Variants in SETD4 observed in about 807,000 individuals in gnomAD.
SETD4 encodes the protein SET domain-containing protein 4.
Under a neutral mutation model 58.3 loss-of-function variants are expected in SETD4, and 46 were observed. That is an observed-to-expected ratio of 0.79 (90% CI 0.62 to 1.01). SETD4 has a LOEUF of 1.01. SETD4 is among the 50% of genes least tolerant of loss of function. The probability of loss-of-function intolerance (pLI) is 0.00; values close to 1 mark genes in which losing one functional copy is unlikely to be tolerated. For missense variants in SETD4, 490 were observed against 523.3 expected, an observed-to-expected ratio of 0.94 and a Z score of 0.62; for synonymous variants, 190 against 202.6, an observed-to-expected ratio of 0.94 and a Z score of 0.53.
At chr21:36,057,046 GC>G in intron 3 of SETD4, 62 bp downstream of exon 3, 1 of 1,286,662 alleles carries the variant, frequency 7.8e-7, no homozygotes, top group Non-Finnish European at 1.1e-6. Context: ...TGCAAGAGTG[GC>G]CCCTGCTGTC....
intron 4 of SETD4, chr21:36,050,162 T>A: frequency 1.1e-6 from 1 of 923,220 alleles, no homozygotes; most frequent in Non-Finnish European, 1.8e-6. Flanking sequence ...AATCAACTGG[T>A]AGATGTTACA....
At chr21:36,052,799 T>C (rs1350855124) in intron 4 of SETD4, 1 of 152,204 alleles carries the variant, frequency 6.6e-6, no homozygotes, top group East Asian at 1.9e-4. Flanking sequence ...CCTCATTTTG[T>C]AGGTGAGGAA....
intron 9 of SETD4, among the ~76,000 whole-genome samples, chr21:36,038,818 G>A (rs536935173): frequency 6.6e-6 from 1 of 152,262 alleles, no homozygotes; most frequent in South Asian, 2.1e-4. Flanking sequence ...GCAGGAAACG[G>A]GGCTCAGTCA....
At chr21:36,037,923 G>A (rs1372913265) in intron 10 of SETD4, among the ~76,000 whole-genome samples, 1 of 152,148 alleles carries the variant, frequency 6.6e-6, no homozygotes, top group Non-Finnish European at 1.5e-5. Flanking sequence ...TTGAACCTGG[G>A]AGGTGGAGGT....
At chr21:36,041,728 C>G in intron 8 of SETD4, 79 bp downstream of exon 8, 2 of 978,506 alleles carry the variant, frequency 2.0e-6, no homozygotes, top group East Asian at 2.7e-5. Context: ...GGGTCTCACC[C>G]CCATGGAAAA....
intron 4 of SETD4, among the ~76,000 whole-genome samples, chr21:36,049,807 G>C (rs1175456386): frequency 6.6e-6 from 1 of 152,146 alleles, no homozygotes; most frequent in Non-Finnish European, 1.5e-5. Context: ...AACCATATTT[G>C]AATGTACATG....
At chr21:36,050,629 A>G (rs1350932425) in intron 4 of SETD4, 5 of 1,611,294 alleles carry the variant, frequency 3.1e-6, no homozygotes, top group Middle Eastern at 1.6e-4. Context: ...TATGGTGGCC[A>G]TGAAAATTTT....
intron 9 of SETD4, 51 bp downstream of exon 9, chr21:36,040,524 G>T: frequency 1.3e-6 from 2 of 1,520,846 alleles, no homozygotes; most frequent in Non-Finnish European, 9.1e-7. Flanking sequence ...ACCCTCCAAA[G>T]TTATATCTAG....
chr21:36,048,052 GAAGA>G (rs1338680595), intron 5 of SETD4, among the ~76,000 whole-genome samples: 3 of 122,736 alleles, frequency 2.4e-5, no homozygotes, highest in African/African-American at 9.0e-5. Context: ...AGGAAGGAAG[GAAGA>G]GAGGGAGGGA....
chr21:36,040,713 A>G, intron 8 of SETD4, 58 bp from the exon 9 acceptor site: 2 of 1,464,290 alleles, frequency 1.4e-6, no homozygotes, highest in Non-Finnish European at 1.9e-6. Flanking sequence ...ATGACCTCAT[A>G]GCAAATGACT....
rs2064175402 is a variant in SETD4, at chr21:36,043,791, C to T, written c.892G>A (p.Val298Ile). Residue 298 changes from valine to isoleucine, a missense_variant, in exon 7 of 12, where the codon GTC becomes ATC. Val to Ile is a conservative substitution (Grantham distance 29). Transcript: ENST00000332131. ...CAAAGTTGATTCCAACCTCTTGAGA[C>T]ATAAACACAAGCATGAGGATTATGG... ...SVHNPHACVY[V>I]SREILVKYLP... 6.2e-7 allele frequency: 1 copy of T among 1,614,090 alleles called. No homozygotes were observed. Among genetic ancestry groups the T allele is most frequent in the Non-Finnish European group, 8.5e-7 (1 of 1,180,004 alleles).
At position 36,045,921 on chromosome 21, in the gene SETD4, G is replaced by GT. The variant is rs778977705; in HGVS notation, c.386dup (p.Tyr129Ter). Residue 129 changes from tyrosine to a stop codon, truncating the protein, a stop_gained and frameshift_variant, in exon 6 of 12, where the codon TAC becomes TAAC. Coordinates refer to ENST00000332131, the MANE Select transcript of SETD4 (RefSeq NM_017438.5). LOFTEE classifies it high-confidence loss of function. ...HAGHRSLWKP[Y>*]LEILPKAYTC... ...TATACGCCTTGGGTAAAATCTCCAG[G>GT]TAAGGCTTCCAAAGAGATCGGTGCC... The GT allele has an allele frequency of 7.4e-5, 120 of 1,614,086 alleles. No individual in the cohort carries two copies. Among genetic ancestry groups the GT allele is most frequent in the Non-Finnish European group, 1.6e-5 (19 of 1,180,048 alleles).
chr21:36,052,554 T>G (rs1205148460), intron 4 of SETD4, among the ~76,000 whole-genome samples: 1 of 122,324 alleles, frequency 8.2e-6, no homozygotes, highest in Admixed American at 9.2e-5. Context: ...CAAGACTCTG[T>G]CTCAAAAAAA....
chr21:36,041,159 C>CAAAA (rs35920101), intron 8 of SETD4, among the ~76,000 whole-genome samples: 4 of 40,030 alleles, frequency 1.0e-4, no homozygotes, highest in Non-Finnish European at 1.2e-4. Context: ...GACTCCTTCT[C>CAAAA]AAAAAAAAAA....
chr21:36,043,395 T>C, intron 7 of SETD4: 4 of 884,946 alleles, frequency 4.5e-6, no homozygotes, highest in Non-Finnish European at 5.5e-6. Flanking sequence ...TAACACAGTG[T>C]CTTACCCACA....
At chr21:36,046,140 C>CA (rs577032691) in intron 5 of SETD4, 129 bp from the exon 6 acceptor site, 75 of 967,454 alleles carry the variant, frequency 7.8e-5, no homozygotes, top group Non-Finnish European at 1.1e-4. Context: ...TTAACAGACT[C>CA]AAGAGTTCCT....
chr21:36,045,325 C>G (rs762237751), intron 6 of SETD4, among the ~76,000 whole-genome samples: 1 of 152,146 alleles, frequency 6.6e-6, no homozygotes, highest in Non-Finnish European at 1.5e-5. Context: ...TGGGAAAGAC[C>G]GGACAGAGGA....
At position 36,048,316 on chromosome 21, in the gene SETD4, G is replaced by A; in HGVS notation, c.288C>T (p.Tyr96=). 9 of 1,613,584 alleles carry A rather than the reference G, an allele frequency of 5.6e-6. No individual in the cohort carries two copies. Among genetic ancestry groups the A allele is most frequent in the Non-Finnish European group, 6.8e-6 (8 of 1,179,504 alleles). ...DTVIRSYLGA[Y]ITKWKPPPSP... The stretch of plus-strand genomic sequence containing the variant: ...AGTGTGTGGTCACTTACTTAGTAAT[G>A]TATGCCCCTAAGTAGCTTCGAATCA... Residue 96 remains tyrosine, a synonymous_variant, in exon 5 of 12, where the codon TAC becomes TAT. Transcript: ENST00000332131.
intron 3 of SETD4, among the ~76,000 whole-genome samples, chr21:36,055,356 T>C (rs1237338810): frequency 6.6e-6 from 1 of 152,228 alleles, no homozygotes; most frequent in Non-Finnish European, 1.5e-5. Context: ...AAAGTAGAAG[T>C]GGCCATTAGG....
Sources: gnomAD v4.1 joint callset for allele counts (sites outside exome capture counted in the v4.1 genomes callset) on GRCh38, gnomAD v4.1.1 for gene constraint, MANE v1.5 for transcripts, NCBI Gene and HGNC (gene_info 2026-07-23, HGNC 2026-07-21) for gene names.